NPHS2: variants seen among roughly 807,000 people sequenced by gnomAD.
NPHS2 encodes podocin.
In NPHS2, 36 loss-of-function variants were observed where a neutral mutation model predicts 37.1. The observed-to-expected ratio is 0.97, with a 90% CI of 0.74 to 1.28. The LOEUF (loss-of-function observed/expected upper bound fraction) is 1.28, where lower values mean the gene tolerates loss of function less well. Among genes scored for constraint, NPHS2 ranks in the 50% most tolerant of loss-of-function variants. NPHS2 has a pLI of 0.00. For synonymous variants in NPHS2, 196 were observed against 189.3 expected, an observed-to-expected ratio of 1.04 and a Z score of -0.29; for missense variants, 447 against 488.1, an observed-to-expected ratio of 0.92 and a Z score of 0.79.
rs1008210572 is a variant in NPHS2 at position 179,550,668 on chromosome 1, A to AG, written c.*504dup. On this transcript the variant is annotated 3_prime_UTR_variant, in exon 8 of 8. Coordinates refer to ENST00000367615, the MANE Select transcript of NPHS2 (RefSeq NM_014625.4). ...TATCAGGGTTAGGTGTGAGGAATTC[A>AG]GGGTGGAGCAAAAAGATTGAGTGTG... 1 of 183,294 alleles carries AG rather than the reference A, an allele frequency of 5.5e-6. No individual in the cohort carries two copies. Among genetic ancestry groups the AG allele is most frequent in the African/African-American group, 2.3e-5 (1 of 42,596 alleles). 11.4% of individuals were successfully genotyped at this position (183,294 alleles called of 1,614,324 possible). A position where few individuals can be genotyped will look rare whatever the true frequency, so the allele number is the denominator to read the frequency against.
Position 179,569,907 on chromosome 1 carries a change from G to T in NPHS2, c.275-5114C>A, listed in dbSNP as rs147028449. Among the ~76,000 whole-genome samples the T allele has an allele frequency of 2.8e-3, 424 of 152,334 alleles. 3 individuals carry two copies. Among genetic ancestry groups the T allele is most frequent in the African/African-American group, 9.9e-3 (410 of 41,566 alleles). On this transcript the variant is annotated intron_variant, in intron 1 of 7. Coordinates refer to ENST00000367615, the MANE Select transcript of NPHS2 (RefSeq NM_014625.4). ...CTAGCTTATAGGATTTCTGCCAAGA[G>T]ATCCACTGTTAGTCTAATGGGCTTC...
chr1:179,570,313 G>A (rs1317236826), intron 1 of NPHS2, among the ~76,000 whole-genome samples: 10 of 152,136 alleles, frequency 6.6e-5, no homozygotes, highest in Non-Finnish European at 1.5e-4. Context: ...CTGAGATCCC[G>A]GAACAGAGAT....
intron 5 of NPHS2, chr1:179,554,751 T>A: frequency 1.6e-6 from 1 of 621,260 alleles, no homozygotes; most frequent in Non-Finnish European, 2.9e-6. Context: ...TGTGGTATGC[T>A]GAATAATGGT....
intron 7 of NPHS2, 195 bp downstream of exon 7, chr1:179,552,408 C>T: frequency 3.2e-6 from 2 of 628,130 alleles, no homozygotes; most frequent in South Asian, 3.6e-5. Flanking sequence ...TCAGTAGCTT[C>T]AGAGAGGGAG....
chr1:179,561,043 A>G (rs1674117374), intron 3 of NPHS2, among the ~76,000 whole-genome samples: 1 of 152,256 alleles, frequency 6.6e-6, no homozygotes, highest in Non-Finnish European at 1.5e-5. Context: ...CTAACTTGCT[A>G]TTCCAGCAAG....
At position 179,575,765 on chromosome 1, in the gene NPHS2, C is replaced by T. The variant is rs1033965843; in HGVS notation, c.100G>A (p.Gly34Arg). 3.3e-6 allele frequency: 5 copies of T among 1,494,892 alleles called. No individual in the cohort carries two copies. In the African/African-American group the frequency reaches 7.2e-5, roughly 22 times the overall value. 92.6% of individuals were successfully genotyped at this position (1,494,892 alleles called of 1,614,324 possible). The change falls in exon 1 of 8, where the codon GGA (glycine) becomes AGA (arginine). Residue 34 changes from glycine (G) to arginine (R), a missense_variant. By Grantham distance (125) the Gly-to-Arg change is moderately radical. Transcript: ENST00000367615. ...NKRAKAERSG[G>R]GRGRQEAGPE... ...CCAGCCTCCTGGCGCCCGCGGCCTC[C>T]GCCGCTCCTCTCGGCCTTTGCCCTC... is the stretch of plus-strand genomic sequence containing the variant.
At chr1:179,571,412 T>C (rs1674548414) in intron 1 of NPHS2, among the ~76,000 whole-genome samples, 1 of 152,180 alleles carries the variant, frequency 6.6e-6, no homozygotes. Context: ...GAACAGCAAA[T>C]ATTGCTGCCT....
Position 179,550,911 on chromosome 1 carries a change from T to C in NPHS2, c.*262A>G. 2.0e-6 allele frequency: 1 copy of C among 507,316 alleles called. No homozygotes were observed. Among genetic ancestry groups the C allele is most frequent in the Non-Finnish European group, 3.6e-6 (1 of 280,564 alleles). The allele number at this position is 507,316 out of a possible 1,614,324, so 31.4% of individuals were successfully genotyped here. ...ATTTAACCACATCTAGACTCAAAAT[T>C]CTTTCCAAAGTAGAATGTTGACCAA... On this transcript the variant is annotated 3_prime_UTR_variant, in exon 8 of 8. Transcript: ENST00000367615.
chr1:179,555,212 G>T (rs1473922095), intron 5 of NPHS2, among the ~76,000 whole-genome samples: 1 of 152,224 alleles, frequency 6.6e-6, no homozygotes, highest in Non-Finnish European at 1.5e-5. Context: ...GTGGTAGTTT[G>T]TTACAGAAGT....
intron 2 of NPHS2, among the ~76,000 whole-genome samples, chr1:179,563,968 C>T (rs562844729): frequency 2.6e-5 from 4 of 152,282 alleles, no homozygotes; most frequent in South Asian, 4.2e-4. Context: ...GTACTAGGGC[C>T]GTGCCATTTC....
At chr1:179,559,527 A>G (rs1326161165) in intron 4 of NPHS2, 152 bp downstream of exon 4, 7 of 620,922 alleles carry the variant, frequency 1.1e-5, no homozygotes, top group Non-Finnish European at 2.1e-5. Flanking sequence ...CACTCTGTTA[A>G]TTGTGTCCTT....
chr1:179,554,330 T>G, intron 6 of NPHS2, 146 bp downstream of exon 6: 1 of 848,748 alleles, frequency 1.2e-6, no homozygotes. Flanking sequence ...CTGTAAGATA[T>G]TAGGTGATTT....
chr1:179,571,800 T>A (rs1467478108), intron 1 of NPHS2, among the ~76,000 whole-genome samples: 1 of 152,222 alleles, frequency 6.6e-6, no homozygotes, highest in Non-Finnish European at 1.5e-5. Context: ...CCAGCGAGGC[T>A]GCGGCCTCGC....
In NPHS2 at chr1:179,564,785, A is replaced by AT. The variant is rs759842258; in HGVS notation, c.282dup (p.Ser95IlefsTer8). 1 of 1,613,168 alleles carries AT rather than the reference A, an allele frequency of 6.2e-7. No individual in the cohort carries two copies. The highest frequency in any genetic ancestry group is 1.1e-5 in the South Asian group (1 of 91,064). On this transcript the variant is annotated frameshift_variant, in exon 2 of 8. Coordinates refer to ENST00000367615, the MANE Select transcript of NPHS2 (RefSeq NM_014625.4). LOFTEE classifies it high-confidence loss of function. Reference sequence around the variant, plus strand: ...CACTCACAGGCCCCTAAGCCGGAGGATTTGGTACCTTAAAAAAATTAAAGC... The same window carrying AT: ...CACTCACAGGCCCCTAAGCCGGAGGATTTTGGTACCTTAAAAAAATTAAAGC...
rs770064116 is a variant in NPHS2 at position 179,557,278 on chromosome 1, T to C, written c.535-48A>G. 1.9e-5 allele frequency: 28 copies of C among 1,485,268 alleles called. No homozygotes were observed. In the African/African-American group the frequency reaches 3.7e-4, roughly 20 times the overall value. 92.0% of individuals were successfully genotyped at this position (1,485,268 alleles called of 1,614,324 possible). ...GACAGGCTTGATTCTTGGGCTCCTT[T>C]CCTATGTGGGGTTAGAGGAACTAAA... On this transcript the variant is annotated intron_variant, in intron 4 of 7. Transcript: ENST00000367615.
At chr1:179,552,847 C>T in intron 6 of NPHS2, 166 bp from the exon 7 acceptor site, 1 of 674,866 alleles carries the variant, frequency 1.5e-6, no homozygotes, top group Non-Finnish European at 2.7e-6. Context: ...GTAGGCAGAT[C>T]TCCAAGGTCG....
chr1:179,558,939 C>T (rs888059331), intron 4 of NPHS2, among the ~76,000 whole-genome samples: 1 of 152,044 alleles, frequency 6.6e-6, no homozygotes, highest in Non-Finnish European at 1.5e-5. Context: ...TATTAGGGTT[C>T]TCTAGAGAAA....
At chr1:179,569,714 G>A (rs1674479715) in intron 1 of NPHS2, among the ~76,000 whole-genome samples, 1 of 152,128 alleles carries the variant, frequency 6.6e-6, no homozygotes, top group Admixed American at 6.5e-5. Context: ...GCTTCCTTCA[G>A]GAGCCCTTGT....
intron 2 of NPHS2, among the ~76,000 whole-genome samples, chr1:179,563,225 A>G (rs549274119): frequency 8.5e-5 from 13 of 152,384 alleles, no homozygotes; most frequent in African/African-American, 2.9e-4. Context: ...GTTACTAGCA[A>G]TAAAGTGGGA....
Sources: allele counts gnomAD v4.1 joint callset (sites outside exome capture counted in the v4.1 genomes callset), GRCh38; gene constraint gnomAD v4.1.1; transcripts MANE v1.5; gene names NCBI Gene and HGNC (gene_info 2026-07-23, HGNC 2026-07-21).